Variants in IKBKG observed in about 807,000 individuals in gnomAD.
IKBKG encodes the protein NF-kappa-B essential modulator.
A neutral mutation model predicts 13.7 loss-of-function variants in IKBKG; 2 were observed. The observed-to-expected ratio is 0.15, with a 90% CI of 0.06 to 0.46. The LOEUF is 0.46. IKBKG is among the 20% of genes least tolerant of loss of function. The pLI is 0.98. For synonymous variants in IKBKG, 22 were observed against 64.4 expected (o/e 0.34, Z 3.15); for missense variants, 53 against 150.3 (o/e 0.35, Z 3.39).
chrX:154,542,223 AG>A (rs1557232075), intron 1 of IKBKG: 1 of 912,739 alleles, frequency 1.1e-6, no homozygotes, highest in Non-Finnish European at 1.5e-6. Flanking sequence ...TCCCTCCCAC[AG>A]GCCCATCATT....
In IKBKG at chrX:154,551,946, A is replaced by G. The variant is rs782803636; in HGVS notation, c.-15-42A>G. On this transcript the variant is annotated intron_variant, in intron 1 of 9. Transcript: ENST00000594239. ...CATAGGCTTTTTCTGCTGGGTAAGG[A>G]TGTGGGTCTCCTGTGACTCCCCTGC... The G allele has an allele frequency of 8.0e-5, 78 of 974,526 alleles. No homozygotes were observed. In the African/African-American group the frequency reaches 1.4e-3, roughly 17 times the overall value. 80.3% of individuals were successfully genotyped at this position (974,526 alleles called of 1,213,427 possible).
At chrX:154,545,856 A>AAAG, upstream of IKBKG, 1 of 460,825 alleles carries the variant, frequency 2.2e-6, no homozygotes, top group Non-Finnish European at 3.6e-6. Flanking sequence ...AAAAAAAAAA[A>AAAG]GTCTTGCAAG....
upstream of IKBKG, chrX:154,547,484 T>G: frequency 1.3e-6 from 1 of 755,091 alleles, no homozygotes; most frequent in Non-Finnish European, 1.6e-6. Context: ...TCCGCGGGCC[T>G]GCAGAGCCTG....
intron 2 of IKBKG, among the ~76,000 whole-genome samples, chrX:154,553,507 G>A (rs1463412413): frequency 8.9e-6 from 1 of 112,576 alleles, no homozygotes; most frequent in Non-Finnish European, 1.9e-5. Flanking sequence ...AGTGCAGTCA[G>A]CTTGCTGTCA....
At chrX:154,552,556 C>G (rs1304416147) in intron 2 of IKBKG, among the ~76,000 whole-genome samples, 1 of 109,337 alleles carries the variant, frequency 9.1e-6, no homozygotes, top group Non-Finnish European at 1.9e-5. Flanking sequence ...AAGTGCTGTC[C>G]ATCCTGGGAC....
chrX:154,550,234 TTG>T (rs371906365), intron 1 of IKBKG, among the ~76,000 whole-genome samples: 4,802 of 99,041 alleles, frequency 0.048, 158 homozygotes, highest in Middle Eastern at 0.11. Flanking sequence ...AGATGTGCTC[TTG>T]TGTGTGTGTG....
chrX:154,546,266 C>T (rs1249681726), upstream of IKBKG: 6 of 1,049,305 alleles, frequency 5.7e-6, no homozygotes, highest in Admixed American at 1.3e-4. Flanking sequence ...CAGGGTGACA[C>T]CTGATTGCCC....
chrX:154,552,288 C>A, intron 2 of IKBKG, 99 bp downstream of exon 2: 1 of 692,841 alleles, frequency 1.4e-6, no homozygotes, highest in Non-Finnish European at 2.1e-6. Flanking sequence ...GGATGTGCTG[C>A]CCTCCCTCTT....
chrX:154,552,869 G>A (rs1557235391), intron 2 of IKBKG, among the ~76,000 whole-genome samples: 2 of 112,180 alleles, frequency 1.8e-5, no homozygotes. Context: ...TCAGCTGCAC[G>A]CTCCTGCCCG....
chrX:154,544,998 AT>A (rs2070654037), upstream of IKBKG, among the ~76,000 whole-genome samples: 1 of 112,037 alleles, frequency 8.9e-6, no homozygotes, highest in African/African-American at 3.2e-5. Flanking sequence ...GAGCAGAGAG[AT>A]TCTTGAGTGC....
intron 1 of IKBKG, among the ~76,000 whole-genome samples, chrX:154,549,543 G>T (rs1254733237): frequency 9.0e-6 from 1 of 110,745 alleles, no homozygotes; most frequent in Non-Finnish European, 1.9e-5. Context: ...ACCTCCCAAA[G>T]TGCTGGGATT....
intron 1 of IKBKG, among the ~76,000 whole-genome samples, chrX:154,549,691 C>T (rs1361011744): frequency 4.5e-5 from 5 of 111,582 alleles, no homozygotes; most frequent in Non-Finnish European, 7.5e-5. Context: ...AGGACATTTT[C>T]GTCACCCCTC....
At chrX:154,546,711 G>A, upstream of IKBKG, 1 of 831,007 alleles carries the variant, frequency 1.2e-6, no homozygotes, top group East Asian at 3.6e-5. Flanking sequence ...ACAACAAACA[G>A]CGTGTATTTT....
rs782335701 is a variant in IKBKG, at chrX:154,555,186, C to T, written c.188-979C>T. 2.1e-4 allele frequency among the ~76,000 whole-genome samples: 23 copies of T among 112,130 alleles called. No homozygotes were observed. The South Asian group carries it at 8.2e-3, about 40-fold the overall frequency. On this transcript the variant is annotated intron_variant, in intron 2 of 9. Coordinates refer to ENST00000594239, the MANE Select transcript of IKBKG (RefSeq NM_001099857.5). ...AGATGAGGACTTTGAGGCTCAGAGA[C>T]GCCACTAACTTGCCTGGTCCAAGCC...
In IKBKG at chrX:154,552,767, G is replaced by A. The variant is rs781971680; in HGVS notation, c.187+578G>A. Among the ~76,000 whole-genome samples the A allele has an allele frequency of 4.3e-3, 487 of 112,378 alleles. 4 individuals are homozygous for A. The highest frequency in any genetic ancestry group is 0.015 in the African/African-American group (452 of 30,864). On this transcript the variant is annotated intron_variant, in intron 2 of 9. Transcript: ENST00000594239. ...GGTGAAGGCTGACTTCCCACACCCAGTGGCTGGGACTGGGGAGTTCTTTCC... is the reference window on the plus strand; with the variant it reads ...GGTGAAGGCTGACTTCCCACACCCAATGGCTGGGACTGGGGAGTTCTTTCC...
At chrX:154,547,206 G>T (rs185623633), upstream of IKBKG, 319 of 442,309 alleles carry the variant, frequency 7.2e-4, 1 homozygote, top group African/African-American at 7.5e-3. Context: ...GCTCGCGGAG[G>T]GCTCCACTTC....
At chrX:154,544,665 A>C (rs1294143039), upstream of IKBKG, among the ~76,000 whole-genome samples, 2 of 111,921 alleles carry the variant, frequency 1.8e-5, no homozygotes, top group Non-Finnish European at 1.9e-5. Context: ...TGTGGGCTCC[A>C]CCTGGTACCT....
intron 1 of IKBKG, chrX:154,548,180 C>T (rs2070810508): frequency 1.4e-5 from 9 of 633,693 alleles, no homozygotes; most frequent in Non-Finnish European, 1.7e-5. Flanking sequence ...TGAATGGGCT[C>T]TCCTGGCACA....
At chrX:154,543,700 A>AT (rs1350975070), upstream of IKBKG, among the ~76,000 whole-genome samples, 1 of 108,434 alleles carries the variant, frequency 9.2e-6, no homozygotes, top group Non-Finnish European at 1.9e-5. Context: ...TTTTATTTTT[A>AT]TTTTTTTGAG....
Sources: allele counts gnomAD v4.1 joint callset (sites outside exome capture counted in the v4.1 genomes callset), GRCh38; gene constraint gnomAD v4.1.1; transcripts MANE v1.5; gene names NCBI Gene and HGNC (gene_info 2026-07-23, HGNC 2026-07-21).